Variants in GTF2H3 observed in about 807,000 individuals in gnomAD.
GTF2H3 encodes the protein general transcription factor IIH subunit 3, also known as TFIIH basal transcription factor complex p34 subunit.
A neutral mutation model predicts 51.1 loss-of-function variants in GTF2H3; 42 were observed. The ratio of observed to expected loss-of-function variants is 0.82; its 90% CI spans 0.64 to 1.06. The LOEUF is 1.06. Among genes scored for constraint, GTF2H3 ranks in the 50% least tolerant of loss-of-function variants. The probability of loss-of-function intolerance (pLI) is 0.00; values close to 1 mark genes in which losing one functional copy is unlikely to be tolerated. For missense variants in GTF2H3, 326 were observed against 366.1 expected, an observed-to-expected ratio of 0.89 and a Z score of 0.89; for synonymous variants, 123 against 123.8, an observed-to-expected ratio of 0.99 and a Z score of 0.04.
chr12:123,645,630 T>G, intron 3 of GTF2H3, 69 bp downstream of exon 3: 2 of 818,624 alleles, frequency 2.4e-6, no homozygotes, highest in South Asian at 2.9e-5. Flanking sequence ...CCAGTTGGCA[T>G]GTATTGTTCC....
chr12:123,658,945 A>G (rs140694620), intron 9 of GTF2H3, among the ~76,000 whole-genome samples: 3 of 152,362 alleles, frequency 2.0e-5, no homozygotes, highest in African/African-American at 7.2e-5. Flanking sequence ...CAAGAAGCAC[A>G]TGAAAAGATG....
Position 123,660,708 on chromosome 12 carries a change from T to G in GTF2H3, c.*473T>G, listed in dbSNP as rs1490773151. On this transcript the variant is annotated 3_prime_UTR_variant, in exon 13 of 13. Transcript: ENST00000543341. ...TTCAGTAGTCATGTGAATAAAATTC[T>G]TATTGTCTAAATTGAGACAGCCTCA... The G allele has an allele frequency of 1.3e-5, 2 of 152,626 alleles. No homozygotes were observed. Among genetic ancestry groups the G allele is most frequent in the Admixed American group, 1.3e-4 (2 of 15,286 alleles). 9.5% of individuals were successfully genotyped at this position (152,626 alleles called of 1,614,324 possible). A position where few individuals can be genotyped will look rare whatever the true frequency, so the allele number is the denominator to read the frequency against.
rs372734308 is a variant in GTF2H3, at chr12:123,652,722, A to T, written c.473A>T (p.Lys158Ile). Residue 158 changes from lysine to isoleucine, a missense_variant, in exon 7 of 13, where the codon AAA becomes ATA. Lys to Ile is a moderately radical substitution (Grantham distance 102). Coordinates refer to ENST00000543341, the MANE Select transcript of GTF2H3 (RefSeq NM_001516.5). The part of the protein sequence containing the change: ...NKEVKDNQEM[K>I]SRILVIKAAE... ...CTCTTTGTAGACAATCAGGAAATGAAATCAAGGATATTGGTAAGATAAAAA... is the reference window on the plus strand; with the variant it reads ...CTCTTTGTAGACAATCAGGAAATGATATCAAGGATATTGGTAAGATAAAAA... The T allele has an allele frequency of 1.9e-5, 28 of 1,510,374 alleles. No individual in the cohort carries two copies. The African/African-American group carries it at 3.6e-4, about 20-fold the overall frequency. 93.6% of individuals were successfully genotyped at this position (1,510,374 alleles called of 1,614,324 possible). A position where few individuals can be genotyped will look rare whatever the true frequency, so the allele number is the denominator to read the frequency against.
At chr12:123,647,568 A>G (rs1234681933) in intron 3 of GTF2H3, among the ~76,000 whole-genome samples, 1 of 152,118 alleles carries the variant, frequency 6.6e-6, no homozygotes, top group Non-Finnish European at 1.5e-5. Context: ...CAAATAATAA[A>G]CTAGTAGTGA....
chr12:123,638,555 C>T (rs1326384937), intron 1 of GTF2H3, among the ~76,000 whole-genome samples: 3 of 152,080 alleles, frequency 2.0e-5, no homozygotes, highest in Non-Finnish European at 2.9e-5. Context: ...AGCCATCTGC[C>T]TGTCTTGGCC....
intron 3 of GTF2H3, among the ~76,000 whole-genome samples, chr12:123,645,982 T>C (rs1020159837): frequency 6.6e-6 from 1 of 152,184 alleles, no homozygotes; most frequent in Non-Finnish European, 1.5e-5. Context: ...CCTGGTGCTT[T>C]GAAATAAGGA....
intron 3 of GTF2H3, 46 bp from the exon 4 acceptor site, chr12:123,647,917 G>A (rs1415687901): frequency 6.8e-7 from 1 of 1,474,876 alleles, no homozygotes. Context: ...AGTGAGCCTG[G>A]GCGGTGAGGC....
At chr12:123,659,327 A>T in intron 9 of GTF2H3, 189 bp from the exon 10 acceptor site, 1 of 580,428 alleles carries the variant, frequency 1.7e-6, no homozygotes, top group Non-Finnish European at 3.1e-6. Context: ...AGATTGTGCC[A>T]CTGCACTCCA....
At chr12:123,653,863 T>G (rs1955550448) in intron 7 of GTF2H3, among the ~76,000 whole-genome samples, 2 of 152,152 alleles carry the variant, frequency 1.3e-5, no homozygotes, top group African/African-American at 4.8e-5. Flanking sequence ...TAGTAATCAC[T>G]GCTTATTTTC....
At position 123,655,824 on chromosome 12, in the gene GTF2H3, G is replaced by C; in HGVS notation, c.615G>C (p.Gln205His). The change falls in exon 9 of 13, where the codon CAG (glutamine) becomes CAC (histidine). Residue 205 changes from glutamine to histidine, a missense_variant and splice_region_variant. Gln to His is a conservative substitution (Grantham distance 24). Transcript: ENST00000543341. ...ACTCCGACTCAGGGCTCCTCCAACA[G>C]GTATGTTTTAAAACCATGCTTTGTG... ...VLDSDSGLLQ[Q>H]ACDITGGLYL... 1 of 1,586,406 alleles carries C rather than the reference G, an allele frequency of 6.3e-7. No homozygotes were observed. The highest frequency in any genetic ancestry group is 8.7e-7 in the Non-Finnish European group (1 of 1,155,866).
At chr12:123,645,156 G>A (rs552277582) in intron 2 of GTF2H3, among the ~76,000 whole-genome samples, 1 of 152,258 alleles carries the variant, frequency 6.6e-6, no homozygotes, top group Admixed American at 6.5e-5. Context: ...CTGCAGCCTG[G>A]CTCTCCAGGG....
intron 1 of GTF2H3, among the ~76,000 whole-genome samples, chr12:123,638,359 G>A (rs1277852078): frequency 6.6e-6 from 1 of 151,734 alleles, no homozygotes; most frequent in East Asian, 1.9e-4. Context: ...AGTAGAGATG[G>A]GGTGGCTCAA....
chr12:123,661,468 C>T lies in GTF2H3; in HGVS notation c.*1233C>T, dbSNP rs1955656316. 1 of 151,110 alleles carries T rather than the reference C, an allele frequency of 6.6e-6. No individual in the cohort carries two copies. Among genetic ancestry groups the T allele is most frequent in the African/African-American group, 2.4e-5 (1 of 41,004 alleles). The allele number at this position is 151,110 out of a possible 1,614,324, so 9.4% of individuals were successfully genotyped here. On this transcript the variant is annotated 3_prime_UTR_variant, in exon 13 of 13. Coordinates refer to ENST00000543341, the MANE Select transcript of GTF2H3 (RefSeq NM_001516.5). ...TCAGCCTGGCCAGTATGGTGAAACCCTGTCTCTACTAAAAATAGAAAAATT... is the reference window on the plus strand; with the variant it reads ...TCAGCCTGGCCAGTATGGTGAAACCTTGTCTCTACTAAAAATAGAAAAATT...
rs1955334004 is a variant in GTF2H3, at chr12:123,639,313, G to C, written c.63G>C (p.Trp21Cys). The C allele has an allele frequency of 6.3e-7, 1 of 1,589,636 alleles. No individual in the cohort carries two copies. The highest frequency in any genetic ancestry group is 8.6e-7 in the Non-Finnish European group (1 of 1,157,846). Residue 21 changes from tryptophan (W) to cysteine (C), a missense_variant, in exon 2 of 13, where the codon TGG (tryptophan) becomes TGC (cysteine). Physicochemically the swap from Trp to Cys is radical, Grantham distance 215. Coordinates refer to ENST00000543341, the MANE Select transcript of GTF2H3 (RefSeq NM_001516.5). ...LVIVVDANPI[W>C]WGKQALKESQ... ...TTGTAGTTGATGCCAACCCAATTTG[G>C]TGGGGAAAGCAAGCATTAAAGGAAT...
chr12:123,659,743 A>T, intron 10 of GTF2H3, 52 bp from the exon 11 acceptor site: 1 of 1,583,138 alleles, frequency 6.3e-7, no homozygotes, highest in East Asian at 2.2e-5. Context: ...GCTTCATGTT[A>T]TTTTTTTCCC....
At chr12:123,652,803 T>C (rs1955535393) in intron 7 of GTF2H3, 68 bp downstream of exon 7, 2 of 1,376,482 alleles carry the variant, frequency 1.5e-6, no homozygotes, top group Non-Finnish European at 1.9e-6. Flanking sequence ...GGAGACCAGG[T>C]GTGGTGGCTC....
At chr12:123,638,398 T>C (rs1295847740) in intron 1 of GTF2H3, among the ~76,000 whole-genome samples, 6 of 151,948 alleles carry the variant, frequency 3.9e-5, no homozygotes, top group Admixed American at 6.6e-5. Context: ...CTTGAACTTA[T>C]GACCTCAAGT....
intron 3 of GTF2H3, among the ~76,000 whole-genome samples, chr12:123,647,481 AAG>A (rs1454187545): frequency 1.3e-5 from 2 of 152,144 alleles, no homozygotes; most frequent in Non-Finnish European, 2.9e-5. Flanking sequence ...CAAAAAAAAA[AAG>A]AGTCATGAAT....
chr12:123,640,769 C>G (rs1359946689), intron 2 of GTF2H3, among the ~76,000 whole-genome samples: 2 of 152,258 alleles, frequency 1.3e-5, no homozygotes, highest in East Asian at 1.9e-4. Flanking sequence ...AAATAAGCCT[C>G]ACTCATAAAT....
Sources: gnomAD v4.1 joint callset for allele counts (sites outside exome capture counted in the v4.1 genomes callset) on GRCh38, gnomAD v4.1.1 for gene constraint, MANE v1.5 for transcripts, NCBI Gene and HGNC (gene_info 2026-07-23, HGNC 2026-07-21) for gene names.